The following MINAR1 variants were observed in gnomAD, a reference collection of about 807,000 sequenced individuals.
MINAR1 encodes the protein membrane integral NOTCH2 associated receptor 1.
A neutral mutation model predicts 65.1 loss-of-function variants in MINAR1; 40 were observed. That is an observed-to-expected ratio of 0.61 (90% CI 0.48 to 0.80). MINAR1 has a LOEUF of 0.80. MINAR1 is among the 30% of genes least tolerant of loss of function. MINAR1 has a pLI of 0.00. For synonymous variants in MINAR1, 482 were observed against 449.1 expected (o/e 1.07, Z -0.93); for missense variants, 1,128 against 1,148.0 (o/e 0.98, Z 0.25).
At chr15:79,433,784 C>A (rs546983324) in intron 1 of MINAR1, among the ~76,000 whole-genome samples, 1 of 152,156 alleles carries the variant, frequency 6.6e-6, no homozygotes, top group Admixed American at 6.5e-5. Context: ...TTACTGGGCC[C>A]GCCCTGCAGG....
chr15:79,469,769 AAAGGATTG>A lies in MINAR1; in HGVS notation c.*1387_*1394del, dbSNP rs1896008092. The stretch of plus-strand genomic sequence containing the variant: ...AATGTCTTGTTACAGGTCAAAGAAA[AAAGGATTG>A]ACAGAAACTAGCTACCTTATATATA... On this transcript the variant is annotated 3_prime_UTR_variant, in exon 4 of 4. Transcript: ENST00000305428. 1 of 152,658 alleles carries A rather than the reference AAAGGATTG, an allele frequency of 6.6e-6. No homozygotes were observed. The highest frequency in any genetic ancestry group is 1.5e-5 in the Non-Finnish European group (1 of 68,028). The allele number at this position is 152,658 out of a possible 1,614,324, so 9.5% of individuals were successfully genotyped here.
intron 1 of MINAR1, among the ~76,000 whole-genome samples, chr15:79,450,021 C>G (rs1035141751): frequency 6.6e-6 from 1 of 152,180 alleles, no homozygotes; most frequent in African/African-American, 2.4e-5. Context: ...CCCCCTTAAT[C>G]GGGTTCCCAG....
the MINAR1 span, chr15:79,413,057 A>T: frequency 6.6e-6 from 1 of 152,194 alleles, no homozygotes; most frequent in Non-Finnish European, 1.5e-5. Flanking sequence ...TACAAGAGAA[A>T]AAAAAACCAT....
chr15:79,413,413 C>T, the MINAR1 span: 1 of 150,930 alleles, frequency 6.6e-6, no homozygotes, highest in African/African-American at 2.5e-5. Flanking sequence ...CAGAACCCAA[C>T]AGAGGGGTTG....
At chr15:79,437,680 T>TG (rs1894649450) in intron 1 of MINAR1, among the ~76,000 whole-genome samples, 1 of 49,128 alleles carries the variant, frequency 2.0e-5, no homozygotes, top group African/African-American at 6.7e-5. Context: ...GGGGTGTGGG[T>TG]GGCGTGGGTA....
At chr15:79,458,473 G>A (rs759751892) in intron 2 of MINAR1, 28 bp downstream of exon 2, 15 of 1,596,268 alleles carry the variant, frequency 9.4e-6, no homozygotes, top group East Asian at 6.7e-5. Flanking sequence ...TCACATAATC[G>A]GGCACCAGCT....
the MINAR1 span, chr15:79,422,653 A>T: frequency 6.6e-6 from 1 of 152,200 alleles, no homozygotes; most frequent in African/African-American, 2.4e-5. Flanking sequence ...ACAAATGGCA[A>T]ATGAAGAACA....
upstream of MINAR1, among the ~76,000 whole-genome samples, chr15:79,428,220 T>G (rs1894355848): frequency 8.4e-6 from 1 of 119,426 alleles, no homozygotes; most frequent in Non-Finnish European, 1.7e-5. Flanking sequence ...TTTCCTTCCT[T>G]TATTCCCCCT....
In MINAR1 at chr15:79,432,370, T is replaced by TC. The variant is rs1263675706; in HGVS notation, c.-219dup. On this transcript the variant is annotated 5_prime_UTR_variant, in exon 1 of 4. Coordinates refer to ENST00000305428, the MANE Select transcript of MINAR1 (RefSeq NM_015206.3). ...CTCGGGCGGCGGAGGCGAAAGTCGC[T>TC]CCATCCGCGGGGTGCAACCCTGGGC... 7 of 152,224 alleles carry TC rather than the reference T, an allele frequency of 4.6e-5. No homozygotes were observed. The highest frequency in any genetic ancestry group is 2.9e-5 in the Non-Finnish European group (2 of 68,040). The allele number at this position is 152,224 out of a possible 1,614,324, so 9.4% of individuals were successfully genotyped here.
chr15:79,449,994 A>G (rs748052636), intron 1 of MINAR1, among the ~76,000 whole-genome samples: 1 of 151,854 alleles, frequency 6.6e-6, no homozygotes, highest in African/African-American at 2.4e-5. Flanking sequence ...CCTTTTCCCC[A>G]TGGCTGGAAT....
At chr15:79,449,943 C>G (rs754438363) in intron 1 of MINAR1, among the ~76,000 whole-genome samples, 4 of 152,122 alleles carry the variant, frequency 2.6e-5, no homozygotes. Context: ...TTAGTCTTTG[C>G]GGCCACTGCA....
intron 1 of MINAR1, among the ~76,000 whole-genome samples, chr15:79,432,823 C>T (rs569812451): frequency 6.6e-6 from 1 of 152,268 alleles, no homozygotes; most frequent in African/African-American, 2.4e-5. Flanking sequence ...GAAGAGAAGC[C>T]ACGGAAGATG....
In MINAR1 at chr15:79,457,243, G is replaced by T; in HGVS notation, c.1096G>T (p.Ala366Ser). The change falls in exon 2 of 4, where the codon GCC (alanine) becomes TCC (serine). Residue 366 changes from alanine to serine, a missense_variant. By Grantham distance (99) the Ala-to-Ser change is moderately conservative. Transcript: ENST00000305428. ...GKPNKQTPWP[A>S]KSWSLNTEEV... is the part of the protein sequence containing the mutation. ...GCCCAACAAGCAGACTCCCTGGCCA[G>T]CCAAAAGCTGGAGCCTAAACACAGA... 6.2e-7 allele frequency: 1 copy of T among 1,614,172 alleles called. No homozygotes were observed. The highest frequency in any genetic ancestry group is 2.2e-5 in the East Asian group (1 of 44,872).
At position 79,458,068 on chromosome 15, in the gene MINAR1, A is replaced by G. The variant is rs1205648573; in HGVS notation, c.1921A>G (p.Ser641Gly). The G allele has an allele frequency of 1.2e-6, 2 of 1,614,080 alleles. No individual in the cohort carries two copies. The highest frequency in any genetic ancestry group is 2.2e-5 in the East Asian group (1 of 44,894). The change falls in exon 2 of 4, where the codon AGT (serine) becomes GGT (glycine). Residue 641 changes from serine to glycine, a missense_variant. Transcript: ENST00000305428. ...DQKMQQPEKVSVQIDLNSLTS... is the reference protein window; with the variant it reads ...DQKMQQPEKVGVQIDLNSLTS... ...GAAAATGCAACAGCCTGAGAAGGTG[A>G]GTGTGCAGATAGATCTGAACTCCTT... is the stretch of plus-strand genomic sequence containing the variant.
At chr15:79,464,510 G>A (rs1201317326) in intron 3 of MINAR1, among the ~76,000 whole-genome samples, 1 of 152,204 alleles carries the variant, frequency 6.6e-6, no homozygotes, top group Non-Finnish European at 1.5e-5. Context: ...GGTCAGACAA[G>A]TCTAAATTCA....
intron 1 of MINAR1, among the ~76,000 whole-genome samples, chr15:79,452,389 T>G (rs1895239866): frequency 6.6e-6 from 1 of 151,936 alleles, no homozygotes; most frequent in Non-Finnish European, 1.5e-5. Context: ...TGAGTCTGCA[T>G]GACTGAAGCT....
chr15:79,413,860 C>A, the MINAR1 span: 1 of 152,162 alleles, frequency 6.6e-6, no homozygotes, highest in African/African-American at 2.4e-5. Context: ...ACAGTTTTAA[C>A]TTTATGCTAT....
intron 1 of MINAR1, among the ~76,000 whole-genome samples, chr15:79,439,363 TG>T: frequency 1.2e-5 from 1 of 80,916 alleles, no homozygotes; most frequent in African/African-American, 4.9e-5. Context: ...TAATGAGATG[TG>T]GGTGGGGTAG....
chr15:79,412,492 C>T, the MINAR1 span: 1 of 152,416 alleles, frequency 6.6e-6, no homozygotes, highest in Non-Finnish European at 1.5e-5. Context: ...GAGCAGCCAC[C>T]CTTGCCTGCA....
Sources: gnomAD v4.1 joint callset for allele counts (sites outside exome capture counted in the v4.1 genomes callset) on GRCh38, gnomAD v4.1.1 for gene constraint, MANE v1.5 for transcripts, NCBI Gene and HGNC (gene_info 2026-07-23, HGNC 2026-07-21) for gene names.